The following TRPM2 variants were observed in gnomAD, a reference collection of about 807,000 sequenced individuals.
TRPM2 encodes the protein transient receptor potential cation channel subfamily M member 2, also known as estrogen-responsive element-associated gene 1 protein.
TRPM2 carries 161 observed loss-of-function variants against 174.0 expected under a neutral mutation model. The ratio of observed to expected loss-of-function variants is 0.93; its 90% CI spans 0.81 to 1.05. TRPM2 has a LOEUF of 1.05. Among genes scored for constraint, TRPM2 ranks in the 50% least tolerant of loss-of-function variants. The pLI, the probability that TRPM2 is intolerant of heterozygous loss-of-function variation, is 0.00. For missense variants in TRPM2, 2,057 were observed against 2,038.0 expected (o/e 1.01, Z -0.18); for synonymous variants, 954 against 861.3 (o/e 1.11, Z -1.88).
rs571163523 is a variant in TRPM2, at chr21:44,426,856, C to T, written c.3872+120C>T. 1.0e-4 allele frequency: 144 copies of T among 1,396,576 alleles called. No individual in the cohort carries two copies. In the African/African-American group the frequency reaches 1.6e-3, roughly 16 times the overall value. The allele number at this position is 1,396,576 out of a possible 1,614,324, so 86.5% of individuals were successfully genotyped here. A position where few individuals can be genotyped will look rare whatever the true frequency, so the allele number is the denominator to read the frequency against. ...GAGGTCCAGGTGAGCAGGAGGGGCC[C>T]GTGGGGGCCTGAAGGGGCCCAGCTC... On this transcript the variant is annotated intron_variant, in intron 26 of 31. Transcript: ENST00000397928.
intron 27 of TRPM2, among the ~76,000 whole-genome samples, chr21:44,429,786 C>T (rs2050961877): frequency 6.6e-6 from 1 of 151,960 alleles, no homozygotes; most frequent in Non-Finnish European, 1.5e-5. Context: ...TGCCTCATTC[C>T]TTTTTCTTGC....
chr21:44,419,700 AGTG>A (rs1405352684), intron 22 of TRPM2, among the ~76,000 whole-genome samples: 6 of 120,624 alleles, frequency 5.0e-5, no homozygotes, highest in Non-Finnish European at 1.0e-4. Flanking sequence ...CTGTAATGGA[AGTG>A]GTGGTGATGG....
intron 17 of TRPM2, 124 bp downstream of exon 17, chr21:44,405,384 G>A (rs1297235802): frequency 2.0e-5 from 29 of 1,440,824 alleles, no homozygotes; most frequent in Non-Finnish European, 2.6e-5. Context: ...ACCCTGGATT[G>A]TCATCTGTCC....
At chr21:44,352,155 T>C (rs941157362), upstream of TRPM2, among the ~76,000 whole-genome samples, 3 of 152,180 alleles carry the variant, frequency 2.0e-5, no homozygotes, top group Non-Finnish European at 4.4e-5. Flanking sequence ...CGGAAGCTGG[T>C]TGTGAAGCCG....
In TRPM2 at chr21:44,391,975, ATTTTTTT is replaced by A. The variant is rs2049191032; in HGVS notation, c.1794+351_1794+357del. ...CTTCTTTTTCTTTTATTTATTTTTT[ATTTTTTT>A]GAGACAGGGTCTCACTCTGTCGTCC... On this transcript the variant is annotated intron_variant, in intron 11 of 31. Transcript: ENST00000397928. The surrounding 1 kb of genome is among the most constrained non-coding windows in gnomAD (Gnocchi z 5.0). Among the ~76,000 whole-genome samples, 1 of 151,458 alleles carries A rather than the reference ATTTTTTT, an allele frequency of 6.6e-6. No individual in the cohort carries two copies. The highest frequency in any genetic ancestry group is 2.4e-5 in the African/African-American group (1 of 41,164).
Position 44,376,636 on chromosome 21 carries a change from T to C in TRPM2, c.952+623T>C, listed in dbSNP as rs2048706103. Among the ~76,000 whole-genome samples, 1 of 152,202 alleles carries C rather than the reference T, an allele frequency of 6.6e-6. No homozygotes were observed. The highest frequency in any genetic ancestry group is 2.4e-5 in the African/African-American group (1 of 41,444). ...CAAAACTTAGGATTTGATACCTTTT[T>C]CCTCATAGGTGGGATGGGATGGGTT... On this transcript the variant is annotated intron_variant, in intron 6 of 31. Transcript: ENST00000397928. This position sits in a 1 kb window ranked among gnomAD's most constrained non-coding sequence, Gnocchi z 4.2.
chr21:44,372,130 C>A (rs996055295), intron 5 of TRPM2, among the ~76,000 whole-genome samples: 2 of 151,722 alleles, frequency 1.3e-5, no homozygotes, highest in Non-Finnish European at 2.9e-5. Flanking sequence ...TAAACTAAAC[C>A]AAACCAAACC....
At chr21:44,435,945 C>T (rs1195818242) in intron 28 of TRPM2, among the ~76,000 whole-genome samples, 6 of 150,196 alleles carry the variant, frequency 4.0e-5, no homozygotes, top group African/African-American at 1.5e-4. Flanking sequence ...CAGCCCCACA[C>T]TCACCCCTCA....
At chr21:44,362,483 A>T (rs2048243868) in intron 2 of TRPM2, among the ~76,000 whole-genome samples, 1 of 151,532 alleles carries the variant, frequency 6.6e-6, no homozygotes, top group Non-Finnish European at 1.5e-5. Context: ...ACTGCACTCT[A>T]GCCTGGGTGA....
At position 44,425,706 on chromosome 21, in the gene TRPM2, CG is replaced by C. The variant is rs776635595; in HGVS notation, c.3677del (p.Gly1226GlufsTer15). On this transcript the variant is annotated frameshift_variant, in exon 25 of 32. Coordinates refer to ENST00000397928, the MANE Select transcript of TRPM2 (RefSeq NM_003307.4). LOFTEE classifies it high-confidence loss of function. ...GCCGCGGAGGAGCCGGATGCTGAGC[CG>C]GGAGGCAGGAAGAAGACGGAGGAGC... The part of the protein sequence containing the change: ...QKAAEEPDAE[P>X]GGRKKTEEPG... 7 of 1,563,034 alleles carry C rather than the reference CG, an allele frequency of 4.5e-6. No homozygotes were observed. The African/African-American group carries it at 8.1e-5, about 18-fold the overall frequency.
rs923401456 is a variant in TRPM2 at position 44,442,570 on chromosome 21, C to T, written c.*753C>T. 1 of 152,316 alleles carries T rather than the reference C, an allele frequency of 6.6e-6. No homozygotes were observed. Among genetic ancestry groups the T allele is most frequent in the African/African-American group, 2.4e-5 (1 of 41,452 alleles). The allele number at this position is 152,316 out of a possible 1,614,324, so 9.4% of individuals were successfully genotyped here. ...CTTCTGGTTTGGTGTCAACAGCTCA[C>T]AGGAGCGTGAACCATGAGGGCCCTC... On this transcript the variant is annotated 3_prime_UTR_variant, in exon 32 of 32. Coordinates refer to ENST00000397928, the MANE Select transcript of TRPM2 (RefSeq NM_003307.4).
intron 3 of TRPM2, among the ~76,000 whole-genome samples, chr21:44,365,910 G>T (rs892023875): frequency 3.3e-5 from 5 of 152,234 alleles, no homozygotes; most frequent in African/African-American, 1.2e-4. Context: ...GATGGTGACA[G>T]GCACTGTGCT....
chr21:44,435,323 T>C (rs951564527), intron 28 of TRPM2, 106 bp downstream of exon 28: 30 of 1,265,078 alleles, frequency 2.4e-5, no homozygotes, highest in Non-Finnish European at 3.3e-5. Flanking sequence ...AGGGCGGCTT[T>C]GATGCTTGGC....
intron 9 of TRPM2, among the ~76,000 whole-genome samples, chr21:44,386,381 C>G (rs2049016473): frequency 6.6e-6 from 1 of 152,094 alleles, no homozygotes; most frequent in South Asian, 2.1e-4. Context: ...GCACTCCAGC[C>G]TGGGTGACAG....
At chr21:44,435,864 C>A (rs553289239) in intron 28 of TRPM2, among the ~76,000 whole-genome samples, 1 of 144,066 alleles carries the variant, frequency 6.9e-6, no homozygotes, top group African/African-American at 2.6e-5. Flanking sequence ...TCACTCTCCA[C>A]TCCTATCCAC....
chr21:44,370,449 T>C (rs1408479568), intron 5 of TRPM2, among the ~76,000 whole-genome samples: 1 of 152,156 alleles, frequency 6.6e-6, no homozygotes, highest in East Asian at 1.9e-4. Context: ...GGACAGATAA[T>C]GAGTCATTCA....
At chr21:44,386,616 C>A (rs2049024627) in intron 9 of TRPM2, among the ~76,000 whole-genome samples, 1 of 152,012 alleles carries the variant, frequency 6.6e-6, no homozygotes, top group Admixed American at 6.6e-5. Context: ...AATGGAAAGA[C>A]ATCCCATGTT....
At chr21:44,426,525 T>C (rs944408759) in intron 25 of TRPM2, 135 bp from the exon 26 acceptor site, 7 of 922,918 alleles carry the variant, frequency 7.6e-6, no homozygotes, top group Non-Finnish European at 1.2e-5. Flanking sequence ...TCTGCCCAGC[T>C]TGGAGCTTCT....
chr21:44,356,009 C>A (rs1300418707), intron 2 of TRPM2, among the ~76,000 whole-genome samples: 4 of 150,918 alleles, frequency 2.7e-5, no homozygotes, highest in African/African-American at 9.8e-5. Context: ...ATACCTGATA[C>A]AATGTAGATG....
Sources: allele counts gnomAD v4.1 joint callset (sites outside exome capture counted in the v4.1 genomes callset), GRCh38; gene constraint gnomAD v4.1.1; non-coding constraint Gnocchi (gnomAD v3.1); transcripts MANE v1.5; gene names NCBI Gene and HGNC (gene_info 2026-07-23, HGNC 2026-07-21).